The following TENM1 variants were observed in gnomAD, a reference collection of about 807,000 sequenced individuals.
The protein encoded by TENM1 is teneurin-1.
Under a neutral mutation model 174.8 loss-of-function variants are expected in TENM1, and 35 were observed. That is an observed-to-expected ratio of 0.20 (90% confidence interval 0.15 to 0.27). The LOEUF (loss-of-function observed/expected upper bound fraction) is 0.27. Ranked by LOEUF, TENM1 falls within the 10% of genes least tolerant of loss-of-function variation. The pLI, the probability that TENM1 is intolerant of heterozygous loss-of-function variation, is 1.00. For synonymous variants in TENM1, 781 were observed against 798.7 expected (o/e 0.98, Z 0.37); for missense variants, 1,633 against 2,130.1 (o/e 0.77, Z 4.59).
chrX:125,112,059 C>A, the TENM1 span, among the ~76,000 whole-genome samples: 1 of 107,748 alleles, frequency 9.3e-6, no homozygotes, highest in Non-Finnish European at 1.9e-5. Context: ...ACTTTGTTTC[C>A]ATTTATGTCT....
chrX:124,580,107 A>G (rs1365294715), intron 11 of TENM1, among the ~76,000 whole-genome samples: 2 of 111,734 alleles, frequency 1.8e-5, no homozygotes, highest in African/African-American at 6.5e-5. Context: ...AAGAGGCAGG[A>G]AAGAGGGTGG....
rs1237327898 is a variant in TENM1, at chrX:124,585,095, T to G, written c.2078-19535A>C. Among the ~76,000 whole-genome samples, 426 of 110,404 alleles carry G rather than the reference T, an allele frequency of 3.9e-3. 4 individuals carry two copies. The highest frequency in any genetic ancestry group is 0.013 in the African/African-American group (389 of 30,249). Reference sequence around the variant, plus strand: ...CCCACACAATAATAATGGGAGACTTTAACACCCCACTGTCAACATTAGACA... The same window carrying G: ...CCCACACAATAATAATGGGAGACTTGAACACCCCACTGTCAACATTAGACA... On this transcript the variant is annotated intron_variant, in intron 11 of 31. Transcript: ENST00000422452.
upstream of TENM1, among the ~76,000 whole-genome samples, chrX:124,965,686 G>A (rs915946163): frequency 1.9e-5 from 2 of 103,267 alleles, no homozygotes; most frequent in Admixed American, 2.0e-4. Context: ...CAGCAGATAT[G>A]AACATATACA....
the TENM1 span, among the ~76,000 whole-genome samples, chrX:125,077,680 G>A: frequency 2.7e-5 from 3 of 110,847 alleles, no homozygotes; most frequent in South Asian, 3.8e-4. Flanking sequence ...CACTCCCTAC[G>A]GACAGGAAAA....
intron 4 of TENM1, among the ~76,000 whole-genome samples, chrX:124,710,093 A>T (rs1395533730): frequency 1.8e-5 from 2 of 111,493 alleles, no homozygotes; most frequent in Admixed American, 1.9e-4. Context: ...TCCGCACCAT[A>T]AAAAGATGAA....
At chrX:125,125,052 T>TGTTA in the TENM1 span, among the ~76,000 whole-genome samples, 2 of 112,547 alleles carry the variant, frequency 1.8e-5, no homozygotes, top group African/African-American at 6.5e-5. Flanking sequence ...TTCTGCATCA[T>TGTTA]TGGATCATGT....
At chrX:124,489,506 T>C (rs1461293684) in intron 20 of TENM1, among the ~76,000 whole-genome samples, 1 of 111,560 alleles carries the variant, frequency 9.0e-6, no homozygotes, top group Non-Finnish European at 1.9e-5. Context: ...AGAAACTCCA[T>C]ACCTATTTGT....
At chrX:125,191,793 A>T in the TENM1 span, among the ~76,000 whole-genome samples, 509 of 112,105 alleles carry the variant, frequency 4.5e-3, 2 homozygotes, top group African/African-American at 0.016. Flanking sequence ...TTGATTGTTT[A>T]TGTCCCCTCC....
chrX:124,645,331 C>T, exon 10 of TENM1: 1 of 1,206,019 alleles, frequency 8.3e-7, no homozygotes, highest in Non-Finnish European at 1.1e-6. Flanking sequence ...CAGCACAGGG[C>T]AGGAATCTGA....
chrX:124,516,960 G>A (rs779255600), intron 18 of TENM1, among the ~76,000 whole-genome samples: 95 of 111,835 alleles, frequency 8.5e-4, no homozygotes, highest in African/African-American at 2.0e-3. Context: ...ATGGAATACC[G>A]TACAGCCATA....
chrX:124,739,617 A>G (rs2053755723), intron 3 of TENM1, among the ~76,000 whole-genome samples: 1 of 112,331 alleles, frequency 8.9e-6, no homozygotes, highest in South Asian at 3.7e-4. Context: ...CCATTATGCT[A>G]CTTCGGAACA....
At chrX:124,799,884 G>A (rs1011496962) in intron 3 of TENM1, among the ~76,000 whole-genome samples, 5 of 111,982 alleles carry the variant, frequency 4.5e-5, no homozygotes, top group Non-Finnish European at 9.4e-5. Flanking sequence ...CATTGCTTCT[G>A]TTTATGTGAT....
chrX:125,170,686 A>G, the TENM1 span, among the ~76,000 whole-genome samples: 1 of 111,323 alleles, frequency 9.0e-6, no homozygotes, highest in African/African-American at 3.3e-5. Context: ...CTTCACATTT[A>G]GAAAATGCTC....
At chrX:125,128,799 A>G in the TENM1 span, among the ~76,000 whole-genome samples, 1 of 111,621 alleles carries the variant, frequency 9.0e-6, no homozygotes, top group Non-Finnish European at 1.9e-5. Context: ...TACTTATCAC[A>G]GTAACTGGCA....
Position 124,682,869 on chromosome X carries a change from G to A in TENM1, c.1016-11034C>T, listed in dbSNP as rs183607816. Among the ~76,000 whole-genome samples the A allele has an allele frequency of 2.7e-5, 3 of 111,222 alleles. No homozygotes were observed. In the East Asian group the frequency reaches 8.5e-4, roughly 32 times the overall value. ...ATGGGAAGATAGGAAAACATGACAC[G>A]ATATAATATCCTATTTTGAATTGGA... On this transcript the variant is annotated intron_variant, in intron 5 of 31. Transcript: ENST00000422452.
intron 3 of TENM1, among the ~76,000 whole-genome samples, chrX:124,769,262 T>G (rs780256036): frequency 4.4e-4 from 49 of 111,879 alleles, no homozygotes; most frequent in Non-Finnish European, 8.5e-4. Context: ...TGAAGCTTTA[T>G]GCTTCTATGG....
At chrX:124,524,304 G>T (rs2047924238) in intron 16 of TENM1, among the ~76,000 whole-genome samples, 2 of 112,018 alleles carry the variant, frequency 1.8e-5, no homozygotes, top group Admixed American at 9.5e-5. Flanking sequence ...ACATTTAGCA[G>T]CATCTTTGAG....
At chrX:124,951,805 G>A (rs778930984) in intron 1 of TENM1, among the ~76,000 whole-genome samples, 1 of 108,446 alleles carries the variant, frequency 9.2e-6, no homozygotes, top group South Asian at 4.1e-4. Context: ...CATATTATGT[G>A]CCAAATACTG....
intron 11 of TENM1, among the ~76,000 whole-genome samples, chrX:124,634,538 T>C (rs1418030937): frequency 3.6e-5 from 4 of 111,257 alleles, no homozygotes; most frequent in Admixed American, 1.9e-4. Context: ...CCTCATGGTG[T>C]TTGCATTACA....
Sources: gnomAD v4.1 joint callset for allele counts (sites outside exome capture counted in the v4.1 genomes callset) on GRCh38, gnomAD v4.1.1 for gene constraint, MANE v1.5 for transcripts, NCBI Gene and HGNC (gene_info 2026-07-23, HGNC 2026-07-21) for gene names.